The following GFOD2 variants were observed in gnomAD, a reference collection of about 807,000 sequenced individuals.
GFOD2 encodes glucose-fructose oxidoreductase domain-containing protein 2.
Under a neutral mutation model 24.6 loss-of-function variants are expected in GFOD2, and 9 were observed. That is an observed-to-expected ratio of 0.37 (90% confidence interval 0.22 to 0.64). The LOEUF is 0.64. Among genes scored for constraint, GFOD2 ranks in the 30% least tolerant of loss-of-function variants. The pLI, the probability that GFOD2 is intolerant of heterozygous loss-of-function variation, is 0.65. For missense variants in GFOD2, 476 were observed against 532.5 expected (o/e 0.89, Z 1.04); for synonymous variants, 211 against 224.8 (o/e 0.94, Z 0.55).
At chr16:67,678,369 G>A (rs1261709035) in intron 2 of GFOD2, among the ~76,000 whole-genome samples, 3 of 151,988 alleles carry the variant, frequency 2.0e-5, no homozygotes, top group African/African-American at 7.2e-5. Flanking sequence ...CCAGCTACTC[G>A]GGAGGCTGAG....
chr16:67,694,897 T>C (rs1157212763), intron 1 of GFOD2, among the ~76,000 whole-genome samples: 1 of 152,152 alleles, frequency 6.6e-6, no homozygotes, highest in African/African-American at 2.4e-5. Context: ...GGGGTTGTTT[T>C]ATTTTAACCA....
At chr16:67,710,450 C>T (rs547184008) in intron 1 of GFOD2, among the ~76,000 whole-genome samples, 24 of 151,638 alleles carry the variant, frequency 1.6e-4, no homozygotes, top group East Asian at 3.9e-4. Context: ...CCGCAAGCTC[C>T]GCCTCCCGGG....
chr16:67,699,278 G>C (rs1388087727), intron 1 of GFOD2, among the ~76,000 whole-genome samples: 1 of 152,110 alleles, frequency 6.6e-6, no homozygotes, highest in Non-Finnish European at 1.5e-5. Context: ...AGAGGCAGAG[G>C]CTGCAGTGAG....
chr16:67,688,351 G>C (rs2053283963), intron 1 of GFOD2, among the ~76,000 whole-genome samples: 1 of 152,178 alleles, frequency 6.6e-6, no homozygotes, highest in Non-Finnish European at 1.5e-5. Flanking sequence ...ATGGGATTAT[G>C]AATGATTTTT....
chr16:67,690,562 A>G (rs911658351), intron 1 of GFOD2, among the ~76,000 whole-genome samples: 5 of 151,952 alleles, frequency 3.3e-5, no homozygotes, highest in Admixed American at 1.3e-4. Context: ...ATTCACTTTT[A>G]TCGTTCACTT....
intron 1 of GFOD2, among the ~76,000 whole-genome samples, chr16:67,718,187 T>C (rs2142998365): frequency 6.6e-6 from 1 of 152,348 alleles, no homozygotes; most frequent in Non-Finnish European, 1.5e-5. Flanking sequence ...TAAATGCTGT[T>C]CCCTTCAACT....
At position 67,700,720 on chromosome 16, in the gene GFOD2, AAAAC is replaced by A. The variant is rs554896791; in HGVS notation, c.-87-14922_-87-14919del. On this transcript the variant is annotated intron_variant, in intron 1 of 2. Transcript: ENST00000268797. ...GAGCAAGACTCCATCTCAAAAAAACAAAACAAACAAACAAACAAAAAACAAATTA... is the reference window on the plus strand; with the variant it reads ...GAGCAAGACTCCATCTCAAAAAAACAAAACAAACAAACAAAAAACAAATTA... Among the ~76,000 whole-genome samples the A allele has an allele frequency of 2.9e-3, 440 of 151,488 alleles. 4 individuals carry two copies. The highest frequency in any genetic ancestry group is 0.01 in the African/African-American group (422 of 41,288).
At chr16:67,677,936 T>C (rs1025593389) in intron 2 of GFOD2, 2 of 152,248 alleles carry the variant, frequency 1.3e-5, no homozygotes, top group Non-Finnish European at 2.9e-5. Flanking sequence ...TCTCCAGGTA[T>C]GTGCATCTTC....
chr16:67,692,570 ACT>A (rs2142995104), intron 1 of GFOD2, among the ~76,000 whole-genome samples: 1 of 151,818 alleles, frequency 6.6e-6, no homozygotes, highest in African/African-American at 2.4e-5. Flanking sequence ...ACAGAGCAAG[ACT>A]CTGTCTCAAA....
intron 1 of GFOD2, among the ~76,000 whole-genome samples, chr16:67,718,374 T>A (rs1331273048): frequency 2.0e-5 from 3 of 152,238 alleles, no homozygotes; most frequent in African/African-American, 7.2e-5. Context: ...GCTTCCCTGA[T>A]GCCTATCCAA....
chr16:67,703,272 G>A (rs1456440764), intron 1 of GFOD2, among the ~76,000 whole-genome samples: 8 of 151,950 alleles, frequency 5.3e-5, no homozygotes, highest in South Asian at 2.1e-4. Flanking sequence ...GCATGGTGGC[G>A]CATGCCTGTA....
At chr16:67,719,003 C>A (rs1411593235) in intron 1 of GFOD2, among the ~76,000 whole-genome samples, 160 bp downstream of exon 1, 1 of 152,216 alleles carries the variant, frequency 6.6e-6, no homozygotes, top group Admixed American at 6.5e-5. Context: ...CCACTCCACG[C>A]GCCTGCAGGC....
intron 1 of GFOD2, among the ~76,000 whole-genome samples, chr16:67,715,101 C>T (rs1415268853): frequency 1.3e-5 from 2 of 151,986 alleles, no homozygotes; most frequent in African/African-American, 4.8e-5. Context: ...TCTTGTTGCC[C>T]AGGCTAGAGT....
chr16:67,691,515 C>G (rs552398320), intron 1 of GFOD2, among the ~76,000 whole-genome samples: 4 of 148,186 alleles, frequency 2.7e-5, no homozygotes, highest in Non-Finnish European at 4.5e-5. Flanking sequence ...TAGACCCCCC[C>G]CCAAAAAAAA....
rs370981220 is a variant in GFOD2 at position 67,685,452 on chromosome 16, C to T, written c.259+5G>A. ...TCTGCCCCTGCTGTGGCCTGCCGGG[C>T]GTACCTAGAGCCTTCACGGATATCT... On this transcript the variant is annotated splice_donor_5th_base_variant and intron_variant, in intron 2 of 2. Coordinates refer to ENST00000268797, the MANE Select transcript of GFOD2 (RefSeq NM_030819.4). The T allele has an allele frequency of 2.9e-5, 46 of 1,613,942 alleles. No homozygotes were observed. Among genetic ancestry groups the T allele is most frequent in the Non-Finnish European group, 3.8e-5 (45 of 1,180,008 alleles).
rs1313638811 is a variant in GFOD2 at position 67,685,895 on chromosome 16, G to A, written c.-87-93C>T. On this transcript the variant is annotated intron_variant, in intron 1 of 2. Coordinates refer to ENST00000268797, the MANE Select transcript of GFOD2 (RefSeq NM_030819.4). ...TTTTGAGATGGAGTCTCGCTCTGTT[G>A]CCCAAGCTGGAGTGCAGTGGTGCGA... The A allele has an allele frequency of 5.7e-6, 4 of 700,236 alleles. No individual in the cohort carries two copies. The African/African-American group carries it at 7.1e-5, about 12-fold the overall frequency. The allele number at this position is 700,236 out of a possible 1,614,324, so 43.4% of individuals were successfully genotyped here. A position where few individuals can be genotyped will look rare whatever the true frequency, so the allele number is the denominator to read the frequency against.
chr16:67,696,319 C>CTT (rs75590786), intron 1 of GFOD2, among the ~76,000 whole-genome samples: 2 of 133,948 alleles, frequency 1.5e-5, no homozygotes, highest in Non-Finnish European at 1.6e-5. Context: ...GGCCGGGAAT[C>CTT]TTTTTTTTTT....
chr16:67,708,785 A>G (rs1280345611), intron 1 of GFOD2, among the ~76,000 whole-genome samples: 1 of 152,130 alleles, frequency 6.6e-6, no homozygotes, highest in South Asian at 2.1e-4. Context: ...GCACCTCCAC[A>G]GACTTGATGC....
At chr16:67,705,465 C>T (rs1015819255) in intron 1 of GFOD2, among the ~76,000 whole-genome samples, 1 of 152,170 alleles carries the variant, frequency 6.6e-6, no homozygotes, top group African/African-American at 2.4e-5. Flanking sequence ...ATCTCAGCCC[C>T]GCAAAGTGCT....
Sources: gnomAD v4.1 joint callset for allele counts (sites outside exome capture counted in the v4.1 genomes callset) on GRCh38, gnomAD v4.1.1 for gene constraint, MANE v1.5 for transcripts, NCBI Gene and HGNC (gene_info 2026-07-23, HGNC 2026-07-21) for gene names.